SGCZ: variants seen among roughly 807,000 people sequenced by gnomAD.
The protein encoded by SGCZ is zeta-sarcoglycan.
SGCZ carries 40 observed loss-of-function variants against 41.3 expected under a neutral mutation model. That is an observed-to-expected ratio of 0.97 (90% CI 0.75 to 1.26). The LOEUF (loss-of-function observed/expected upper bound fraction) is 1.26, where lower values mean the gene tolerates loss of function less well. Ranked by LOEUF, SGCZ falls within the 50% of genes most tolerant of loss-of-function variation. The pLI is 0.00. For missense variants in SGCZ, 552 were observed against 369.8 expected (o/e 1.49, Z -4.04); for synonymous variants, 206 against 137.5 (o/e 1.50, Z -3.49).
chr8:14,481,214 C>T (rs951070740), intron 2 of SGCZ, among the ~76,000 whole-genome samples: 3 of 151,878 alleles, frequency 2.0e-5, no homozygotes, highest in African/African-American at 7.3e-5. Flanking sequence ...TTTTGGTAAC[C>T]AGGGAAATGC....
At chr8:15,004,569 G>A (rs899049213) in intron 1 of SGCZ, among the ~76,000 whole-genome samples, 9 of 152,116 alleles carry the variant, frequency 5.9e-5, no homozygotes, top group African/African-American at 2.2e-4. Context: ...GTCTCATTCT[G>A]TTTCAGCAGC....
intron 2 of SGCZ, among the ~76,000 whole-genome samples, chr8:14,375,405 C>G (rs763440598): frequency 1.3e-5 from 2 of 152,066 alleles, no homozygotes; most frequent in Admixed American, 6.5e-5. Context: ...AGGCCTAAAT[C>G]CCATGATCAA....
At chr8:14,458,269 C>A (rs953608697) in intron 2 of SGCZ, among the ~76,000 whole-genome samples, 1 of 152,076 alleles carries the variant, frequency 6.6e-6, no homozygotes, top group African/African-American at 2.4e-5. Flanking sequence ...AACGTAAGCA[C>A]ACAAATATTT....
At chr8:14,927,017 G>A (rs925184854) in intron 1 of SGCZ, among the ~76,000 whole-genome samples, 1 of 150,876 alleles carries the variant, frequency 6.6e-6, no homozygotes, top group African/African-American at 2.4e-5. Context: ...TATGGACACA[G>A]TATATAGTCT....
intron 1 of SGCZ, among the ~76,000 whole-genome samples, chr8:14,685,309 A>G (rs2117553306): frequency 6.6e-6 from 1 of 152,228 alleles, no homozygotes. Context: ...TTACAGAGTA[A>G]AAAAGATTAA....
At chr8:14,119,266 G>C (rs534433473) in intron 5 of SGCZ, among the ~76,000 whole-genome samples, 56 of 152,222 alleles carry the variant, frequency 3.7e-4, no homozygotes, top group African/African-American at 1.3e-3. Context: ...TCTCCTCGAA[G>C]AAGTCCTTCA....
At chr8:14,277,303 TC>T (rs1800271383) in intron 3 of SGCZ, among the ~76,000 whole-genome samples, 1 of 152,118 alleles carries the variant, frequency 6.6e-6, no homozygotes, top group Non-Finnish European at 1.5e-5. Context: ...TCATGTTCCT[TC>T]ATAAGTTTCA....
At chr8:14,092,898 T>C (rs796813173) in intron 7 of SGCZ, among the ~76,000 whole-genome samples, 14 of 141,196 alleles carry the variant, frequency 9.9e-5, no homozygotes, top group African/African-American at 2.9e-4. Context: ...TATAATTAGA[T>C]TTGAAGTCTC....
intron 1 of SGCZ, among the ~76,000 whole-genome samples, chr8:14,815,145 G>C (rs1237449126): frequency 6.6e-6 from 1 of 152,028 alleles, no homozygotes; most frequent in Admixed American, 6.6e-5. Context: ...ACTTCAATTA[G>C]TAAGTGTATG....
At chr8:15,220,296 C>T (rs1372171718) in intron 1 of SGCZ, among the ~76,000 whole-genome samples, 1 of 152,172 alleles carries the variant, frequency 6.6e-6, no homozygotes, top group African/African-American at 2.4e-5. Context: ...TTACTCCAAA[C>T]TTCCTGCTAT....
At chr8:15,107,887 C>T (rs1806892164) in intron 1 of SGCZ, among the ~76,000 whole-genome samples, 1 of 152,072 alleles carries the variant, frequency 6.6e-6, no homozygotes, top group African/African-American at 2.4e-5. Flanking sequence ...TAGAAGTCAC[C>T]CATTTCGTTC....
chr8:15,077,811 T>C (rs887063217), intron 1 of SGCZ, among the ~76,000 whole-genome samples: 2 of 152,196 alleles, frequency 1.3e-5, no homozygotes, highest in African/African-American at 4.8e-5. Flanking sequence ...TGCATCTCAA[T>C]AGAGGTACAA....
chr8:14,112,145 T>A (rs146662136), intron 5 of SGCZ, among the ~76,000 whole-genome samples: 5 of 152,072 alleles, frequency 3.3e-5, no homozygotes, highest in African/African-American at 9.7e-5. Flanking sequence ...ACACCTCACA[T>A]TGAGAAAAAG....
chr8:14,860,749 AGTGAGGG>A (rs1803719443), intron 1 of SGCZ, among the ~76,000 whole-genome samples: 1 of 139,994 alleles, frequency 7.1e-6, no homozygotes. Flanking sequence ...TAAGTAAGTA[AGTGAGGG>A]AGGGAGGGAG....
intron 1 of SGCZ, among the ~76,000 whole-genome samples, chr8:14,858,984 T>C (rs1803633123): frequency 6.6e-6 from 1 of 152,102 alleles, no homozygotes; most frequent in African/African-American, 2.4e-5. Context: ...CTTTGCTAAT[T>C]TTTGAAAAAA....
chr8:14,486,966 C>T (rs892252052), intron 2 of SGCZ, among the ~76,000 whole-genome samples: 1 of 152,156 alleles, frequency 6.6e-6, no homozygotes, highest in Non-Finnish European at 1.5e-5. Flanking sequence ...GAAGCAGTTT[C>T]ATGCAGTTCA....
At chr8:15,034,126 G>C (rs568312959) in intron 1 of SGCZ, among the ~76,000 whole-genome samples, 1 of 152,206 alleles carries the variant, frequency 6.6e-6, no homozygotes, top group Non-Finnish European at 1.5e-5. Context: ...AAAGAAATGG[G>C]TTCTACCCCA....
chr8:14,349,396 T>A (rs1803008236), intron 2 of SGCZ, among the ~76,000 whole-genome samples: 1 of 152,096 alleles, frequency 6.6e-6, no homozygotes, highest in Non-Finnish European at 1.5e-5. Context: ...TATTTGTGGA[T>A]TGGTAAAAAC....
intron 1 of SGCZ, among the ~76,000 whole-genome samples, chr8:14,853,904 C>T (rs1369534900): frequency 6.6e-6 from 1 of 151,578 alleles, no homozygotes; most frequent in Admixed American, 6.6e-5. Flanking sequence ...TTCCTTCCTC[C>T]TTGCCAATAC....
Sources: gnomAD v4.1 joint callset for allele counts (sites outside exome capture counted in the v4.1 genomes callset) on GRCh38, gnomAD v4.1.1 for gene constraint, MANE v1.5 for transcripts, NCBI Gene and HGNC (gene_info 2026-07-23, HGNC 2026-07-21) for gene names.